XKRX: variants seen among roughly 807,000 people sequenced by gnomAD.
XKRX encodes the protein XK related X-linked.
A neutral mutation model predicts 22.4 loss-of-function variants in XKRX; 11 were observed. The ratio of observed to expected loss-of-function variants is 0.49; its 90% CI spans 0.31 to 0.81. XKRX has a LOEUF of 0.81. XKRX is among the 40% of genes least tolerant of loss of function. The pLI is 0.05. For synonymous variants in XKRX, 114 were observed against 132.2 expected, an observed-to-expected ratio of 0.86 and a Z score of 0.94; for missense variants, 320 against 336.5, an observed-to-expected ratio of 0.95 and a Z score of 0.38.
the XKRX span, among the ~76,000 whole-genome samples, chrX:100,945,431 C>A: frequency 8.9e-6 from 1 of 112,238 alleles, no homozygotes; most frequent in African/African-American, 3.2e-5. Context: ...GCTTCTCGAA[C>A]TTTAATATGA....
chrX:100,923,009 C>T lies in XKRX; in HGVS notation c.388G>A (p.Glu130Lys). ...CGGGTGAGGCTGACATAGGGCTCCTCCTGCTCCTCTTTCTTCCACAGTGTG... is the reference window on the plus strand; with the variant it reads ...CGGGTGAGGCTGACATAGGGCTCCTTCTGCTCCTCTTTCTTCCACAGTGTG... ...YLTLWKKEEQ[E>K]EPYVSLTRKK... Residue 130 changes from glutamate (E) to lysine (K), a missense_variant, in exon 2 of 3, where the codon GAG becomes AAG. Glu to Lys is a moderately conservative substitution (Grantham distance 56). Coordinates refer to ENST00000372956, the MANE Select transcript of XKRX (RefSeq NM_212559.3). 1 of 1,211,925 alleles carries T rather than the reference C, an allele frequency of 8.3e-7. No homozygotes were observed. The highest frequency in any genetic ancestry group is 1.1e-6 in the Non-Finnish European group (1 of 895,524).
the XKRX span, chrX:100,887,619 A>G: frequency 1.5e-6 from 1 of 662,825 alleles, no homozygotes; most frequent in Non-Finnish European, 2.4e-6. Context: ...CTCTCCTGCT[A>G]AGCTCTGTTT....
At chrX:100,911,352 C>A, downstream of XKRX, 1 of 833,997 alleles carries the variant, frequency 1.2e-6, no homozygotes, top group Non-Finnish European at 1.8e-6. Context: ...GGTGTTATTA[C>A]CAAAGGTACT....
chrX:100,940,696 G>A, the XKRX span, among the ~76,000 whole-genome samples: 1 of 111,200 alleles, frequency 9.0e-6, no homozygotes, highest in Non-Finnish European at 1.9e-5. Flanking sequence ...TGATTTCTTA[G>A]GCTCCAACCC....
the XKRX span, among the ~76,000 whole-genome samples, chrX:100,950,568 C>A: frequency 8.9e-6 from 1 of 112,141 alleles, no homozygotes. Context: ...TTTCACCCAC[C>A]AACAGCAGAG....
chrX:100,908,335 T>G, the XKRX span, among the ~76,000 whole-genome samples: 1 of 111,173 alleles, frequency 9.0e-6, no homozygotes, highest in Non-Finnish European at 1.9e-5. Context: ...CAGGATGGTC[T>G]CGAACTCCTG....
chrX:100,906,524 T>C, the XKRX span, among the ~76,000 whole-genome samples: 1 of 111,823 alleles, frequency 8.9e-6, no homozygotes, highest in Non-Finnish European at 1.9e-5. Flanking sequence ...TTGTGTTAAA[T>C]TGCAATTATC....
chrX:100,932,656 G>T (rs1464493618), upstream of XKRX, among the ~76,000 whole-genome samples: 1 of 112,138 alleles, frequency 8.9e-6, no homozygotes, highest in East Asian at 2.8e-4. Context: ...CCTGAAGACT[G>T]CCCAAAAGCC....
chrX:100,939,533 G>A, the XKRX span, among the ~76,000 whole-genome samples: 1 of 111,726 alleles, frequency 9.0e-6, no homozygotes, highest in Non-Finnish European at 1.9e-5. Flanking sequence ...AAACTGGAGA[G>A]GCTAGAAGCC....
Position 100,928,343 on chromosome X carries a change from T to C in XKRX, c.-39A>G, listed in dbSNP as rs1248088053. On this transcript the variant is annotated 5_prime_UTR_variant, in exon 1 of 3. It removes an upstream start codon present in the reference 5' UTR. Coordinates refer to ENST00000372956, the MANE Select transcript of XKRX (RefSeq NM_212559.3). Reference sequence around the variant, plus strand: ...TCTGAATGTTGTGGTCTTGTGTTCATAGCACCCTCCCACCCATCCCCAAGA... The same window carrying C: ...TCTGAATGTTGTGGTCTTGTGTTCACAGCACCCTCCCACCCATCCCCAAGA... 15 of 1,188,518 alleles carry C rather than the reference T, an allele frequency of 1.3e-5. No homozygotes were observed. In the South Asian group the frequency reaches 2.7e-4, roughly 21 times the overall value.
At chrX:100,938,798 C>T in the XKRX span, among the ~76,000 whole-genome samples, 4 of 112,252 alleles carry the variant, frequency 3.6e-5, no homozygotes, top group Admixed American at 2.8e-4. Flanking sequence ...GTTATACAGC[C>T]ACTTGAAGAG....
At chrX:100,945,217 T>C in the XKRX span, among the ~76,000 whole-genome samples, 1 of 105,239 alleles carries the variant, frequency 9.5e-6, no homozygotes, top group African/African-American at 3.5e-5. Flanking sequence ...TAGCTAGGAC[T>C]ACAGGTTATG....
the XKRX span, among the ~76,000 whole-genome samples, chrX:100,942,822 G>A: frequency 9.0e-6 from 1 of 111,199 alleles, no homozygotes; most frequent in Non-Finnish European, 1.9e-5. Flanking sequence ...CTTGTTTACT[G>A]ATACCCTTAA....
At chrX:100,947,377 T>C in the XKRX span, among the ~76,000 whole-genome samples, 2 of 112,546 alleles carry the variant, frequency 1.8e-5, no homozygotes, top group African/African-American at 6.5e-5. Context: ...GTCACTATTG[T>C]CAAGTACTGC....
the XKRX span, among the ~76,000 whole-genome samples, chrX:100,905,884 C>A: frequency 4.5e-5 from 5 of 111,645 alleles, no homozygotes; most frequent in East Asian, 1.4e-3. Context: ...GGTTAATGTT[C>A]TACAGGGCAA....
chrX:100,937,629 G>A, the XKRX span, among the ~76,000 whole-genome samples: 8,080 of 111,406 alleles, frequency 0.073, 612 homozygotes, highest in African/African-American at 0.23. Context: ...TTTCAAAAAC[G>A]TTTGTAGCAG....
chrX:100,887,534 C>A, the XKRX span: 5 of 471,775 alleles, frequency 1.1e-5, no homozygotes, highest in Non-Finnish European at 1.9e-5. Context: ...GCAGCTAGGC[C>A]CTGTCACCAC....
chrX:100,900,187 G>T, the XKRX span, among the ~76,000 whole-genome samples: 1 of 111,163 alleles, frequency 9.0e-6, no homozygotes, highest in Non-Finnish European at 1.9e-5. Context: ...TCAGCCTCTG[G>T]TGTAGCTGGA....
At chrX:100,915,681 G>GGTGT (rs1229396328) in intron 2 of XKRX, among the ~76,000 whole-genome samples, 5 of 83,068 alleles carry the variant, frequency 6.0e-5, no homozygotes, top group African/African-American at 2.0e-4. Context: ...AAATCTGGTG[G>GGTGT]GTGTGTCTGT....
Sources: gnomAD v4.1 joint callset for allele counts (sites outside exome capture counted in the v4.1 genomes callset) on GRCh38, gnomAD v4.1.1 for gene constraint, MANE v1.5 for transcripts, NCBI Gene and HGNC (gene_info 2026-07-23, HGNC 2026-07-21) for gene names.